Variants in MAPKAPK5 observed in about 807,000 individuals in gnomAD.
MAPKAPK5 encodes MAP kinase-activated protein kinase 5.
MAPKAPK5 carries 30 observed loss-of-function variants against 65.1 expected under a neutral mutation model. The ratio of observed to expected loss-of-function variants is 0.46; its 90% CI spans 0.34 to 0.63. MAPKAPK5 has a LOEUF of 0.63. MAPKAPK5 is among the 20% of genes least tolerant of loss of function. The pLI is 0.01. For synonymous variants in MAPKAPK5, 179 were observed against 204.6 expected, an observed-to-expected ratio of 0.87 and a Z score of 1.07; for missense variants, 433 against 581.4, an observed-to-expected ratio of 0.74 and a Z score of 2.63.
chr12:111,842,718 G>C lies in MAPKAPK5; in HGVS notation c.-16G>C. 1 of 1,375,024 alleles carries C rather than the reference G, an allele frequency of 7.3e-7. No homozygotes were observed. The highest frequency in any genetic ancestry group is 2.1e-5 in the South Asian group (1 of 47,166). 85.2% of individuals were successfully genotyped at this position (1,375,024 alleles called of 1,614,324 possible). On this transcript the variant is annotated 5_prime_UTR_variant, in exon 1 of 14. Transcript: ENST00000550735. Reference sequence around the variant, plus strand: ...AGCAGCCTCCGCCTCTCCCGGCTGTGGGGGCCCCACTGAGTATGTCGGAGG... The same window carrying C: ...AGCAGCCTCCGCCTCTCCCGGCTGTCGGGGCCCCACTGAGTATGTCGGAGG...
At chr12:111,866,955 G>C (rs1273907903) in intron 3 of MAPKAPK5, among the ~76,000 whole-genome samples, 1 of 151,980 alleles carries the variant, frequency 6.6e-6, no homozygotes, top group Non-Finnish European at 1.5e-5. Flanking sequence ...TTGAAACCGA[G>C]TCTTGCTCTG....
Position 111,899,011 on chromosome 12 carries a change from T to C in MAPKAPK5, c.*5950T>C, listed in dbSNP as rs2070924399. 6.6e-6 allele frequency: 1 copy of C among 152,210 alleles called. No homozygotes were observed. The highest frequency in any genetic ancestry group is 6.5e-5 in the Admixed American group (1 of 15,278). 9.4% of individuals were successfully genotyped at this position (152,210 alleles called of 1,614,324 possible). ...TATCTTCCCATGAAAGTAAAAGGAATATAACTAAGGAAGATTAAAGTTGTT... is the reference window on the plus strand; with the variant it reads ...TATCTTCCCATGAAAGTAAAAGGAACATAACTAAGGAAGATTAAAGTTGTT... On this transcript the variant is annotated 3_prime_UTR_variant, in exon 14 of 14. Transcript: ENST00000550735.
intron 1 of MAPKAPK5, among the ~76,000 whole-genome samples, chr12:111,863,580 A>G (rs1218716949): frequency 2.0e-5 from 3 of 152,102 alleles, no homozygotes; most frequent in South Asian, 4.1e-4. Context: ...TTGCAACAAA[A>G]CAACGTGAAA....
chr12:111,848,821 C>T (rs190944148), intron 1 of MAPKAPK5, among the ~76,000 whole-genome samples: 116 of 152,152 alleles, frequency 7.6e-4, no homozygotes, highest in Admixed American at 1.1e-3. Flanking sequence ...CCTCTTCCTC[C>T]GGGGTTCAAG....
chr12:111,888,606 G>T lies in MAPKAPK5; in HGVS notation c.1088G>T (p.Arg363Met). The T allele has an allele frequency of 6.2e-7, 1 of 1,613,778 alleles. No individual in the cohort carries two copies. Among genetic ancestry groups the T allele is most frequent in the Non-Finnish European group, 8.5e-7 (1 of 1,179,820 alleles). The change falls in exon 11 of 14, where the codon AGG (arginine) becomes ATG (methionine). Residue 363 changes from arginine (R) to methionine (M), a missense_variant. Coordinates refer to ENST00000550735, the MANE Select transcript of MAPKAPK5 (RefSeq NM_003668.4). Reference protein sequence around the residue: ...HSVNNPILRKRKLLGTKPKDS... With the variant: ...HSVNNPILRKMKLLGTKPKDS... Reference sequence around the variant, plus strand: ...GTGAACAACCCCATTCTGCGGAAGAGGAAGTTACTTGGGTAACTGAGCTTA... The same window carrying T: ...GTGAACAACCCCATTCTGCGGAAGATGAAGTTACTTGGGTAACTGAGCTTA...
In MAPKAPK5 at chr12:111,889,046, G is replaced by A. The variant is rs1351068244; in HGVS notation, c.1216+46G>A. The A allele has an allele frequency of 1.9e-6, 3 of 1,544,538 alleles. No homozygotes were observed. The East Asian group carries it at 7.3e-5, about 38-fold the overall frequency. On this transcript the variant is annotated intron_variant, in intron 12 of 13. Coordinates refer to ENST00000550735, the MANE Select transcript of MAPKAPK5 (RefSeq NM_003668.4). ...TAATCCTCTGTGTGTCTGTGAGTGTGTGTGTGCAGGGGTGGGTGGGTGTAT... is the reference window on the plus strand; with the variant it reads ...TAATCCTCTGTGTGTCTGTGAGTGTATGTGTGCAGGGGTGGGTGGGTGTAT...
chr12:111,877,142 C>T (rs567603385), intron 7 of MAPKAPK5, among the ~76,000 whole-genome samples: 3 of 152,240 alleles, frequency 2.0e-5, no homozygotes, highest in Admixed American at 1.3e-4. Context: ...CTCAGCCTCC[C>T]GAGTAGCTGG....
At chr12:111,858,476 A>C (rs775084030) in intron 1 of MAPKAPK5, among the ~76,000 whole-genome samples, 9 of 144,886 alleles carry the variant, frequency 6.2e-5, no homozygotes, top group Admixed American at 2.1e-4. Context: ...GGATTTGATC[A>C]TTTCTTTCTA....
chr12:111,876,983 G>T (rs909476919), intron 7 of MAPKAPK5, among the ~76,000 whole-genome samples: 2 of 151,892 alleles, frequency 1.3e-5, no homozygotes, highest in Admixed American at 6.6e-5. Flanking sequence ...ACTGTAAAAG[G>T]TGTGAGGTAA....
intron 1 of MAPKAPK5, among the ~76,000 whole-genome samples, chr12:111,845,550 C>T (rs762582930): frequency 6.6e-6 from 1 of 151,980 alleles, no homozygotes; most frequent in East Asian, 1.9e-4. Flanking sequence ...TAAAAGCACT[C>T]CCAGCTTATA....
At chr12:111,888,387 A>C (rs901075553) in intron 10 of MAPKAPK5, 101 bp from the exon 11 acceptor site, 7 of 1,458,840 alleles carry the variant, frequency 4.8e-6, no homozygotes, top group Non-Finnish European at 6.5e-6. Context: ...GAGTGAAATT[A>C]CCTTCTTAGT....
At chr12:111,858,262 T>A (rs2069311452) in intron 1 of MAPKAPK5, among the ~76,000 whole-genome samples, 1 of 152,130 alleles carries the variant, frequency 6.6e-6, no homozygotes, top group African/African-American at 2.4e-5. Context: ...TGTGTTTATC[T>A]TATTTAGAGT....
chr12:111,862,828 A>G (rs1462528962), intron 1 of MAPKAPK5, among the ~76,000 whole-genome samples: 1 of 152,208 alleles, frequency 6.6e-6, no homozygotes, highest in Non-Finnish European at 1.5e-5. Flanking sequence ...GTCTACTGTG[A>G]GTGTATGATT....
chr12:111,888,841 T>C (rs1186947647), intron 11 of MAPKAPK5, 44 bp from the exon 12 acceptor site: 1 of 1,605,372 alleles, frequency 6.2e-7, no homozygotes. Flanking sequence ...GAGTTGGTTT[T>C]TGGGGTCTCA....
chr12:111,872,701 A>G (rs1395695572), intron 7 of MAPKAPK5, among the ~76,000 whole-genome samples: 2 of 152,208 alleles, frequency 1.3e-5, no homozygotes, highest in African/African-American at 4.8e-5. Flanking sequence ...TCCAGCTTCT[A>G]GAGGCTGCCT....
intron 7 of MAPKAPK5, among the ~76,000 whole-genome samples, chr12:111,876,429 G>A (rs1425041273): frequency 6.6e-6 from 1 of 151,296 alleles, no homozygotes; most frequent in Non-Finnish European, 1.5e-5. Context: ...TAATTAACAT[G>A]CATAAAGCAC....
chr12:111,866,153 TAG>T lies in MAPKAPK5; in HGVS notation c.111_112del, dbSNP rs1343259756. ...CTGATTGATTTTTTTTCTCCAAATC[TAG>T]AGTCTGTGTAAAGAAATCTACTCAA... On this transcript the variant is annotated splice_acceptor_variant, in intron 2 of 13. Transcript: ENST00000550735. LOFTEE classifies it high-confidence loss of function. The T allele has an allele frequency of 6.2e-7, 1 of 1,601,346 alleles. No individual in the cohort carries two copies.
intron 1 of MAPKAPK5, among the ~76,000 whole-genome samples, chr12:111,844,023 C>T (rs1418729154): frequency 4.6e-5 from 7 of 152,132 alleles, no homozygotes; most frequent in Admixed American, 4.6e-4. Context: ...GGGGTTTCAC[C>T]GTAATAGCCA....
At chr12:111,844,952 T>G (rs1310835732) in intron 1 of MAPKAPK5, among the ~76,000 whole-genome samples, 2 of 152,196 alleles carry the variant, frequency 1.3e-5, no homozygotes, top group Non-Finnish European at 2.9e-5. Flanking sequence ...GCAAGGCACT[T>G]AGGGCCTTGT....
Sources: allele counts gnomAD v4.1 joint callset (sites outside exome capture counted in the v4.1 genomes callset), GRCh38; gene constraint gnomAD v4.1.1; transcripts MANE v1.5; gene names NCBI Gene and HGNC (gene_info 2026-07-23, HGNC 2026-07-21).